PCDHGC3: variants seen among roughly 807,000 people sequenced by gnomAD.
PCDHGC3 encodes protocadherin gamma subfamily C, 3.
In PCDHGC3, 26 loss-of-function variants were observed where a neutral mutation model predicts 59.2. That is an observed-to-expected ratio of 0.44 (90% CI 0.32 to 0.61). PCDHGC3 has a LOEUF of 0.61. Ranked by LOEUF, PCDHGC3 falls within the 20% of genes least tolerant of loss-of-function variation. The pLI is 0.05. For synonymous variants in PCDHGC3, 487 were observed against 519.7 expected (o/e 0.94, Z 0.86); for missense variants, 1,080 against 1,221.8 (o/e 0.88, Z 1.73).
intron 1 of PCDHGC3, among the ~76,000 whole-genome samples, chr5:141,481,869 G>A (rs909237712): frequency 4.1e-5 from 6 of 146,780 alleles, no homozygotes; most frequent in East Asian, 2.0e-4. Flanking sequence ...AGCCGAGATC[G>A]CGCCACTGCA....
Position 141,489,517 on chromosome 5 carries a change from G to C in PCDHGC3, c.2431-5290G>C. The C allele has an allele frequency of 6.2e-7, 1 of 1,614,136 alleles. No individual in the cohort carries two copies. Among genetic ancestry groups the C allele is most frequent in the Non-Finnish European group, 8.5e-7 (1 of 1,180,044 alleles). On this transcript the variant is annotated intron_variant, in intron 1 of 3. Transcript: ENST00000308177. The surrounding 1 kb of genome is among the most constrained non-coding windows in gnomAD (Gnocchi z 4.5). ...GGCAGTGAATCAAAAGATTGACCGA[G>C]AAAGCCTATGTGGAGCCAGCACCAG...
At chr5:141,482,371 T>C (rs1191880709) in intron 1 of PCDHGC3, among the ~76,000 whole-genome samples, 2 of 152,100 alleles carry the variant, frequency 1.3e-5, no homozygotes, top group African/African-American at 2.4e-5. Flanking sequence ...AAGTAATGCA[T>C]ATAAAGTCCC....
At chr5:141,499,247 A>C (rs908111927) in intron 2 of PCDHGC3, among the ~76,000 whole-genome samples, 1 of 152,036 alleles carries the variant, frequency 6.6e-6, no homozygotes, top group Non-Finnish European at 1.5e-5. Flanking sequence ...CTCTGCACAA[A>C]GAGTCTCCAT....
chr5:141,487,380 G>A lies in PCDHGC3; in HGVS notation c.2431-7427G>A. On this transcript the variant is annotated intron_variant, in intron 1 of 3. Transcript: ENST00000308177. This position sits in a 1 kb window ranked among gnomAD's most constrained non-coding sequence, Gnocchi z 5.0. ...GCTGGCACCTGTGCCTGTCTCACCA[G>A]ATCTCGAAGGAGGGAGGGGCTTCCC... is the stretch of plus-strand genomic sequence containing the variant. The A allele has an allele frequency of 1.2e-6, 2 of 1,614,202 alleles. No individual in the cohort carries two copies. The highest frequency in any genetic ancestry group is 2.2e-5 in the South Asian group (2 of 91,078).
In PCDHGC3 at chr5:141,491,341, G is replaced by C. The variant is rs775712620; in HGVS notation, c.2431-3466G>C. ...TTACCTCATTGTGGCTCTAGCGACC[G>C]TCAGTCTCTTATCCCTAGTCACCTT... On this transcript the variant is annotated intron_variant, in intron 1 of 3. Transcript: ENST00000308177. This position sits in a 1 kb window ranked among gnomAD's most constrained non-coding sequence, Gnocchi z 6.9. 10 of 1,614,100 alleles carry C rather than the reference G, an allele frequency of 6.2e-6. No homozygotes were observed. In the East Asian group the frequency reaches 8.9e-5, roughly 14 times the overall value.
Position 141,478,506 on chromosome 5 carries a change from ATAGGCAGGTGTTGGG to A in PCDHGC3, c.2392_2406del (p.Arg798_Gly802del). ...CTGCGGAGCTGTGATCCGGTGTTCTATAGGCAGGTGTTGGGTGCAGAGAGCGCCCCTCCCGGACAG... is the reference window on the plus strand; with the variant it reads ...CTGCGGAGCTGTGATCCGGTGTTCTATGCAGAGAGCGCCCCTCCCGGACAG... On this transcript the variant is annotated inframe_deletion, in exon 1 of 4. Transcript: ENST00000308177. 1 of 1,612,314 alleles carries A rather than the reference ATAGGCAGGTGTTGGG, an allele frequency of 6.2e-7. No homozygotes were observed. The highest frequency in any genetic ancestry group is 8.5e-7 in the Non-Finnish European group (1 of 1,179,122).
intron 3 of PCDHGC3, 43 bp from the exon 4 acceptor site, chr5:141,510,903 GA>G: frequency 6.2e-7 from 1 of 1,613,454 alleles, no homozygotes; most frequent in Non-Finnish European, 8.5e-7. Flanking sequence ...GACTGTTGAG[GA>G]CCCTAAGTTT....
rs1471863168 is a variant in PCDHGC3, at chr5:141,476,550, G to A, written c.434G>A (p.Ser145Asn). ...ACCCAGGAAATGAAATTGGAGATTA[G>A]CGAGGCCGTGGCTCCGGGGACGCGC... Reference protein sequence around the residue: ...FPTQEMKLEISEAVAPGTRFP... With the variant: ...FPTQEMKLEINEAVAPGTRFP... Residue 145 changes from serine (S) to asparagine (N), a missense_variant, in exon 1 of 4, where the codon AGC (serine) becomes AAC (asparagine). Physicochemically the swap from Ser to Asn is conservative, Grantham distance 46. Transcript: ENST00000308177. The surrounding 1 kb of genome is among the most constrained non-coding windows in gnomAD (Gnocchi z 7.6). 1.2e-6 allele frequency: 2 copies of A among 1,614,110 alleles called. No individual in the cohort carries two copies. The highest frequency in any genetic ancestry group is 4.5e-5 in the East Asian group (2 of 44,884).
chr5:141,505,794 G>A (rs1423502957), intron 3 of PCDHGC3, among the ~76,000 whole-genome samples: 1 of 152,142 alleles, frequency 6.6e-6, no homozygotes, highest in East Asian at 1.9e-4. Context: ...CTATCCTTGG[G>A]ACTTGGATCG....
chr5:141,503,506 G>A (rs2099820313), intron 2 of PCDHGC3, among the ~76,000 whole-genome samples: 1 of 151,616 alleles, frequency 6.6e-6, no homozygotes, highest in African/African-American at 2.4e-5. Context: ...GGCTGAGGCA[G>A]GAGAATCACT....
At chr5:141,480,698 C>T (rs1394538159) in intron 1 of PCDHGC3, among the ~76,000 whole-genome samples, 1 of 152,198 alleles carries the variant, frequency 6.6e-6, no homozygotes, top group Admixed American at 6.5e-5. Context: ...ACCCAGGCCA[C>T]ACCCCGACAA....
In PCDHGC3 at chr5:141,510,992, T is replaced by C. The variant is rs879030278; in HGVS notation, c.2624T>C (p.Met875Thr). The change falls in exon 4 of 4, where the codon ATG (methionine) becomes ACG (threonine). Residue 875 changes from methionine to threonine, a missense_variant. By Grantham distance (81) the Met-to-Thr change is moderately conservative. Coordinates refer to ENST00000308177, the MANE Select transcript of PCDHGC3 (RefSeq NM_002588.4). ...SSTLGGGAGT[M>T]GLSARYGPQF... is the part of the protein sequence containing the mutation. ...ACCCTGGGAGGGGGTGCCGGCACCA[T>C]GGGATTGAGCGCCCGCTACGGACCC... The C allele has an allele frequency of 1.9e-6, 3 of 1,614,164 alleles. No individual in the cohort carries two copies. The highest frequency in any genetic ancestry group is 2.5e-6 in the Non-Finnish European group (3 of 1,180,006).
At chr5:141,483,816 A>G (rs2099587505) in intron 1 of PCDHGC3, among the ~76,000 whole-genome samples, 1 of 152,172 alleles carries the variant, frequency 6.6e-6, no homozygotes, top group Admixed American at 6.5e-5. Context: ...TTTGGCAGCC[A>G]GTGTAACCTA....
intron 3 of PCDHGC3, among the ~76,000 whole-genome samples, chr5:141,508,841 C>A (rs969875150): frequency 6.6e-6 from 1 of 152,140 alleles, no homozygotes; most frequent in East Asian, 1.9e-4. Context: ...TCCCCTACCC[C>A]TTCCATTCCC....
At chr5:141,484,750 GTA>G (rs545232987) in intron 1 of PCDHGC3, among the ~76,000 whole-genome samples, 18 of 149,824 alleles carry the variant, frequency 1.2e-4, no homozygotes, top group Admixed American at 4.7e-4. Flanking sequence ...GAAAAAAAAT[GTA>G]TATATATATA....
chr5:141,478,822 T>A, intron 1 of PCDHGC3: 2 of 1,444,070 alleles, frequency 1.4e-6, no homozygotes, highest in South Asian at 1.5e-5. Context: ...AACTAACCAA[T>A]CTTGCTAAGG....
chr5:141,490,098 T>C lies in PCDHGC3; in HGVS notation c.2431-4709T>C, dbSNP rs774132407. On this transcript the variant is annotated intron_variant, in intron 1 of 3. Transcript: ENST00000308177. The surrounding 1 kb of genome is among the most constrained non-coding windows in gnomAD (Gnocchi z 5.4). ...ACTATTCTTTTGGAGACCACACATCTGAGGCAGTGCGGAACCTCTTTGGCC... is the reference window on the plus strand; with the variant it reads ...ACTATTCTTTTGGAGACCACACATCCGAGGCAGTGCGGAACCTCTTTGGCC... The C allele has an allele frequency of 6.2e-7, 1 of 1,614,260 alleles. No homozygotes were observed. The highest frequency in any genetic ancestry group is 8.5e-7 in the Non-Finnish European group (1 of 1,180,038).
chr5:141,507,101 T>C (rs1341285140), intron 3 of PCDHGC3: 2 of 152,204 alleles, frequency 1.3e-5, no homozygotes, highest in African/African-American at 2.4e-5. Flanking sequence ...CTTTCTACTA[T>C]AGGGACCATG....
At position 141,493,223 on chromosome 5, in the gene PCDHGC3, A is replaced by G. The variant is rs2099747083; in HGVS notation, c.2431-1584A>G. Among the ~76,000 whole-genome samples, 1 of 152,142 alleles carries G rather than the reference A, an allele frequency of 6.6e-6. No homozygotes were observed. The highest frequency in any genetic ancestry group is 6.6e-5 in the Admixed American group (1 of 15,262). On this transcript the variant is annotated intron_variant, in intron 1 of 3. Transcript: ENST00000308177. The surrounding 1 kb of genome is among the most constrained non-coding windows in gnomAD (Gnocchi z 4.3). ...CCTCATCTCATTTGCTCTTCCCACC[A>G]TTGCTGTTGGCTAGGTACTAACATG...
Sources: gnomAD v4.1 joint callset for allele counts (sites outside exome capture counted in the v4.1 genomes callset) on GRCh38, gnomAD v4.1.1 for gene constraint, Gnocchi (gnomAD v3.1) non-coding constraint, MANE v1.5 for transcripts, NCBI Gene and HGNC (gene_info 2026-07-23, HGNC 2026-07-21) for gene names.